PDE1C: variants seen among roughly 807,000 people sequenced by gnomAD.
The protein encoded by PDE1C is phosphodiesterase 1C.
In PDE1C, 62 loss-of-function variants were observed where a neutral mutation model predicts 93.1. That is an observed-to-expected ratio of 0.67 (90% CI 0.54 to 0.82). The LOEUF is 0.82. PDE1C is among the 40% of genes least tolerant of loss of function. PDE1C has a pLI of 0.00. For missense variants in PDE1C, 742 were observed against 884.6 expected, an observed-to-expected ratio of 0.84 and a Z score of 2.04; for synonymous variants, 325 against 310.1, an observed-to-expected ratio of 1.05 and a Z score of -0.50.
chr7:31,879,069 G>C lies in PDE1C; in HGVS notation c.352C>G (p.Leu118Val), dbSNP rs1237879710. The change falls in exon 4 of 18, where the codon CTC (leucine) becomes GTC (valine). Residue 118 changes from leucine (L) to valine (V), a missense_variant. Physicochemically the swap from Leu to Val is conservative, Grantham distance 32. Coordinates refer to ENST00000396191, the MANE Select transcript of PDE1C (RefSeq NM_001191057.4). ...STFTRQMGMM[L>V]RRSDEKPRFK... ...CGGGGCTTCTCGTCGCTCCTCCTGA[G>C]CATCATCCCCATCTGCCGCGTGAAG... The C allele has an allele frequency of 1.2e-6, 2 of 1,614,020 alleles. No individual in the cohort carries two copies. The highest frequency in any genetic ancestry group is 2.7e-5 in the African/African-American group (2 of 74,914).
intron 1 of PDE1C, among the ~76,000 whole-genome samples, chr7:32,279,724 A>C (rs962100057): frequency 3.3e-5 from 5 of 152,144 alleles, no homozygotes; most frequent in Non-Finnish European, 4.4e-5. Flanking sequence ...AAATAAGAGC[A>C]AATATAATAA....
At chr7:32,210,824 A>T (rs764416841) in intron 1 of PDE1C, among the ~76,000 whole-genome samples, 1 of 152,156 alleles carries the variant, frequency 6.6e-6, no homozygotes, top group Non-Finnish European at 1.5e-5. Context: ...CTCTTACTAT[A>T]TATTACTATA....
At chr7:31,954,345 T>G (rs1028889156) in intron 2 of PDE1C, among the ~76,000 whole-genome samples, 1 of 152,128 alleles carries the variant, frequency 6.6e-6, no homozygotes, top group African/African-American at 2.4e-5. Flanking sequence ...AGAGCCTGAG[T>G]ACCCAAATCA....
rs149105885 is a variant in PDE1C, at chr7:31,904,222, C to A, written c.129-23362G>T. Among the ~76,000 whole-genome samples, 557 of 152,154 alleles carry A rather than the reference C, an allele frequency of 3.7e-3. 2 individuals are homozygous for A. Among genetic ancestry groups the A allele is most frequent in the African/African-American group, 0.012 (515 of 41,540 alleles). ...CATTAGGACAGAAGCTGGAATCCAG[C>A]CTGAATTGACACAGGACTGGGCAAT... On this transcript the variant is annotated intron_variant, in intron 2 of 17. Coordinates refer to ENST00000396191, the MANE Select transcript of PDE1C (RefSeq NM_001191057.4).
intron 2 of PDE1C, among the ~76,000 whole-genome samples, chr7:32,171,802 T>C (rs187759669): frequency 1.3e-5 from 2 of 149,738 alleles, no homozygotes; most frequent in Non-Finnish European, 3.0e-5. Context: ...CCAATTCCCT[T>C]GGAAATAGAG....
intron 3 of PDE1C, among the ~76,000 whole-genome samples, chr7:32,120,809 G>T (rs1799259533): frequency 1.3e-5 from 2 of 152,120 alleles, no homozygotes; most frequent in African/African-American, 4.8e-5. Context: ...AAAAGGCCAG[G>T]TGCCTCTTCT....
rs375917357 is a variant in PDE1C, at chr7:32,023,749, G to C, written c.128+27805C>G. On this transcript the variant is annotated intron_variant, in intron 2 of 17. Coordinates refer to ENST00000396191, the MANE Select transcript of PDE1C (RefSeq NM_001191057.4). ...TAAAGAACAGAGTAACAGTTGTCAA[G>C]GCTTAGGGATGGAGGAGAGGGGATG... is the stretch of plus-strand genomic sequence containing the variant. Among the ~76,000 whole-genome samples the C allele has an allele frequency of 9.9e-5, 15 of 152,204 alleles. 3 individuals are homozygous for C. The highest frequency in any genetic ancestry group is 6.6e-5 in the Admixed American group (1 of 15,262).
rs1467266639 is a variant in PDE1C, at chr7:31,874,138, T to C, written c.493-730A>G. Among the ~76,000 whole-genome samples the C allele has an allele frequency of 2.6e-5, 4 of 152,172 alleles. No individual in the cohort carries two copies. In the East Asian group the frequency reaches 5.8e-4, roughly 22 times the overall value. On this transcript the variant is annotated intron_variant, in intron 5 of 17. Transcript: ENST00000396191. ...GTCTGGGATCTTGTCCTCAAATCTG[T>C]TAGTCACTTTACTGAAAAAAAGTAA...
intron 1 of PDE1C, among the ~76,000 whole-genome samples, chr7:32,283,505 A>G (rs1467810193): frequency 2.0e-5 from 3 of 152,226 alleles, no homozygotes; most frequent in Non-Finnish European, 2.9e-5. Context: ...AATAGTAACA[A>G]TGGTAGTAAT....
At chr7:31,886,450 A>T (rs1474757873) in intron 2 of PDE1C, among the ~76,000 whole-genome samples, 1 of 152,174 alleles carries the variant, frequency 6.6e-6, no homozygotes, top group Non-Finnish European at 1.5e-5. Flanking sequence ...AACATTCAAC[A>T]TTGGGTGTCT....
chr7:32,187,748 A>T (rs1432360850), intron 2 of PDE1C, among the ~76,000 whole-genome samples: 1 of 148,806 alleles, frequency 6.7e-6, no homozygotes, highest in African/African-American at 2.6e-5. Flanking sequence ...TAATTTTAAC[A>T]ACTTTAAGCC....
intron 16 of PDE1C, among the ~76,000 whole-genome samples, chr7:31,803,860 G>A (rs545234570): frequency 2.0e-5 from 3 of 152,014 alleles, no homozygotes; most frequent in South Asian, 2.1e-4. Context: ...ATAAACATTC[G>A]TGAGCGTGTG....
At chr7:31,691,850 T>C in the PDE1C span, among the ~76,000 whole-genome samples, 1 of 146,748 alleles carries the variant, frequency 6.8e-6, no homozygotes, top group South Asian at 2.2e-4. Flanking sequence ...AACAGAAGCC[T>C]TATTCAATTC....
At chr7:32,227,679 A>G (rs1198909229) in intron 1 of PDE1C, among the ~76,000 whole-genome samples, 1 of 152,198 alleles carries the variant, frequency 6.6e-6, no homozygotes, top group Non-Finnish European at 1.5e-5. Flanking sequence ...CTCTTCCCAC[A>G]CTGAATCAGG....
chr7:32,367,507 T>G (rs1005308192), intron 1 of PDE1C, among the ~76,000 whole-genome samples: 2 of 152,182 alleles, frequency 1.3e-5, no homozygotes, highest in African/African-American at 4.8e-5. Context: ...ATATGCTGCC[T>G]ACAAGAAACT....
intron 2 of PDE1C, among the ~76,000 whole-genome samples, chr7:32,019,150 TAA>T (rs75146295): frequency 5.7e-4 from 68 of 118,822 alleles, no homozygotes; most frequent in African/African-American, 8.7e-4. Context: ...TATGTTGTTT[TAA>T]AAAAAAAAAA....
chr7:32,154,216 AC>A (rs1251075560), intron 3 of PDE1C, among the ~76,000 whole-genome samples: 1 of 152,180 alleles, frequency 6.6e-6, no homozygotes, highest in Non-Finnish European at 1.5e-5. Flanking sequence ...CTGTGATTGC[AC>A]CACTGCACTC....
intron 3 of PDE1C, among the ~76,000 whole-genome samples, chr7:32,136,042 T>C (rs964879323): frequency 6.6e-6 from 1 of 152,210 alleles, no homozygotes; most frequent in African/African-American, 2.4e-5. Flanking sequence ...GCTATATGAT[T>C]TCACTTAAGT....
intron 15 of PDE1C, among the ~76,000 whole-genome samples, chr7:31,811,056 T>G (rs1787483350): frequency 6.6e-6 from 1 of 152,108 alleles, no homozygotes. Context: ...AATCTCATCT[T>G]TAATTTTACC....
Sources: allele counts gnomAD v4.1 joint callset (sites outside exome capture counted in the v4.1 genomes callset), GRCh38; gene constraint gnomAD v4.1.1; transcripts MANE v1.5; gene names NCBI Gene and HGNC (gene_info 2026-07-23, HGNC 2026-07-21).